Variants in RELN observed in about 807,000 individuals in gnomAD.
RELN encodes the protein reelin.
RELN carries 108 observed loss-of-function variants against 427.6 expected under a neutral mutation model. The ratio of observed to expected loss-of-function variants is 0.25; its 90% CI spans 0.22 to 0.30. The LOEUF is 0.30. Ranked by LOEUF, RELN falls within the 10% of genes least tolerant of loss-of-function variation. RELN has a pLI of 1.00. For missense variants in RELN, 3,715 were observed against 4,302.8 expected (o/e 0.86, Z 3.82); for synonymous variants, 1,524 against 1,513.4 (o/e 1.01, Z -0.16).
intron 27 of RELN, among the ~76,000 whole-genome samples, chr7:103,593,376 T>C (rs372529928): frequency 6.6e-6 from 1 of 152,216 alleles, no homozygotes; most frequent in African/African-American, 2.4e-5. Flanking sequence ...GTTTAGAAGC[T>C]TGAGATTCAT....
chr7:103,720,817 T>C (rs146034227), intron 8 of RELN, among the ~76,000 whole-genome samples: 1,561 of 152,242 alleles, frequency 0.01, 24 homozygotes, highest in African/African-American at 0.036. Flanking sequence ...ATAAACAGAA[T>C]GATGTCACAC....
intron 8 of RELN, among the ~76,000 whole-genome samples, chr7:103,715,146 A>T (rs1789906343): frequency 6.6e-6 from 1 of 152,210 alleles, no homozygotes; most frequent in Non-Finnish European, 1.5e-5. Context: ...ACGAGAAAAC[A>T]TATTTCAAGG....
intron 64 of RELN, 31 bp downstream of exon 64, chr7:103,478,358 C>T: frequency 1.3e-6 from 1 of 754,154 alleles, no homozygotes; most frequent in Non-Finnish European, 2.4e-6. Flanking sequence ...TATTAGTAAA[C>T]AGTTCCCCAG....
At chr7:103,766,204 A>G (rs1563000037) in intron 4 of RELN, among the ~76,000 whole-genome samples, 1 of 152,206 alleles carries the variant, frequency 6.6e-6, no homozygotes, top group Non-Finnish European at 1.5e-5. Context: ...TAAAAATCAC[A>G]AAGCCTAGGG....
At chr7:103,737,731 G>A (rs986630589) in intron 6 of RELN, among the ~76,000 whole-genome samples, 2 of 152,160 alleles carry the variant, frequency 1.3e-5, no homozygotes, top group African/African-American at 4.8e-5. Flanking sequence ...GAGAATACCA[G>A]ATGCAGCAGA....
At chr7:103,720,699 G>A (rs1790055433) in intron 8 of RELN, among the ~76,000 whole-genome samples, 1 of 151,948 alleles carries the variant, frequency 6.6e-6, no homozygotes, top group Admixed American at 6.6e-5. Context: ...TGGATTGGTT[G>A]GATTCATTTT....
At chr7:103,641,541 G>T (rs994818199) in intron 16 of RELN, among the ~76,000 whole-genome samples, 1 of 152,114 alleles carries the variant, frequency 6.6e-6, no homozygotes, top group African/African-American at 2.4e-5. Context: ...ATTGTTTCAG[G>T]TGTCAGATAA....
chr7:103,621,275 C>T (rs571309946), intron 20 of RELN, among the ~76,000 whole-genome samples: 14 of 152,262 alleles, frequency 9.2e-5, no homozygotes, highest in East Asian at 1.9e-4. Flanking sequence ...ACTCAGGAAT[C>T]TGACCAAAAA....
intron 3 of RELN, among the ~76,000 whole-genome samples, chr7:103,789,788 A>C (rs1792111462): frequency 6.6e-6 from 1 of 152,252 alleles, no homozygotes. Flanking sequence ...TTCCTCAAGG[A>C]TATAGAACTA....
intron 4 of RELN, among the ~76,000 whole-genome samples, chr7:103,774,523 T>A (rs1025349265): frequency 7.2e-5 from 11 of 152,162 alleles, no homozygotes; most frequent in Non-Finnish European, 4.4e-5. Context: ...ATACTGAGCG[T>A]GTTAAAATGG....
intron 3 of RELN, among the ~76,000 whole-genome samples, chr7:103,806,227 A>G (rs975442584): frequency 4.6e-5 from 7 of 152,212 alleles, no homozygotes; most frequent in African/African-American, 1.7e-4. Context: ...ATATCTATTT[A>G]TAATTATTGG....
intron 1 of RELN, among the ~76,000 whole-genome samples, chr7:103,931,670 G>A (rs533938523): frequency 4.6e-4 from 70 of 152,314 alleles, no homozygotes; most frequent in African/African-American, 1.6e-3. Context: ...CCAATTTTGT[G>A]ATAGCTATTA....
chr7:103,738,063 T>C (rs1790538896), intron 6 of RELN, among the ~76,000 whole-genome samples: 1 of 150,850 alleles, frequency 6.6e-6, no homozygotes, highest in South Asian at 2.1e-4. Context: ...ACATCTCTGC[T>C]ATTATTATTG....
At chr7:103,752,481 C>A (rs934941611) in intron 5 of RELN, among the ~76,000 whole-genome samples, 1 of 152,008 alleles carries the variant, frequency 6.6e-6, no homozygotes, top group Non-Finnish European at 1.5e-5. Context: ...ACAATCATAG[C>A]TTGCTGCAGC....
At chr7:103,793,466 T>G (rs774869145) in intron 3 of RELN, among the ~76,000 whole-genome samples, 57 of 152,234 alleles carry the variant, frequency 3.7e-4, no homozygotes, top group Non-Finnish European at 7.3e-4. Flanking sequence ...CCCTTAAGTC[T>G]ACATAGAACC....
chr7:103,662,396 C>A (rs149533452), intron 11 of RELN, among the ~76,000 whole-genome samples: 1 of 151,904 alleles, frequency 6.6e-6, no homozygotes, highest in Admixed American at 6.6e-5. Flanking sequence ...CCGGGGTGGG[C>A]GGATCACGAG....
chr7:103,725,871 C>T (rs1047956767), intron 7 of RELN, among the ~76,000 whole-genome samples: 1 of 152,110 alleles, frequency 6.6e-6, no homozygotes, highest in African/African-American at 2.4e-5. Context: ...CTAACTTCTC[C>T]AGAAATGAAA....
intron 3 of RELN, among the ~76,000 whole-genome samples, chr7:103,805,448 T>C (rs371389661): frequency 2.3e-4 from 35 of 151,564 alleles, no homozygotes; most frequent in East Asian, 1.6e-3. Context: ...AACTTTCAGA[T>C]TTGTAAAACT....
chr7:103,683,658 C>T (rs1173504953), intron 10 of RELN, among the ~76,000 whole-genome samples: 3 of 152,076 alleles, frequency 2.0e-5, no homozygotes, highest in Non-Finnish European at 2.9e-5. Context: ...AAAAGTATAG[C>T]ATATAAAATT....
Sources: allele counts gnomAD v4.1 joint callset (sites outside exome capture counted in the v4.1 genomes callset), GRCh38; gene constraint gnomAD v4.1.1; transcripts MANE v1.5; gene names NCBI Gene and HGNC (gene_info 2026-07-23, HGNC 2026-07-21).